CEP164: variants seen among roughly 807,000 people sequenced by gnomAD.
The protein encoded by CEP164 is centrosomal protein 164, also known as centrosomal protein of 164 kDa.
A neutral mutation model predicts 182.7 loss-of-function variants in CEP164; 162 were observed. That is an observed-to-expected ratio of 0.89 (90% CI 0.78 to 1.01). The LOEUF is 1.01. Ranked by LOEUF, CEP164 falls within the 50% of genes least tolerant of loss-of-function variation. The probability of loss-of-function intolerance (pLI) is 0.00; values close to 1 mark genes in which losing one functional copy is unlikely to be tolerated. For missense variants in CEP164, 1,735 were observed against 1,790.4 expected (o/e 0.97, Z 0.56); for synonymous variants, 661 against 690.0 (o/e 0.96, Z 0.66).
Position 117,359,502 on chromosome 11 carries a change from C to G in CEP164, c.394-2333C>G, listed in dbSNP as rs993368738. 8.1e-6 allele frequency: 8 copies of G among 985,284 alleles called. No individual in the cohort carries two copies. In the African/African-American group the frequency reaches 1.4e-4, roughly 17 times the overall value. 61.0% of individuals were successfully genotyped at this position (985,284 alleles called of 1,614,324 possible). ...TTACTTTCCTGATGAGCATCTGATG[C>G]AGAAATGGGCCCTGCTGGGAACCCA... On this transcript the variant is annotated intron_variant, in intron 5 of 32. Coordinates refer to ENST00000278935, the MANE Select transcript of CEP164 (RefSeq NM_014956.5).
At chr11:117,334,718 G>A (rs183521646) in intron 1 of CEP164, among the ~76,000 whole-genome samples, 2 of 150,546 alleles carry the variant, frequency 1.3e-5, no homozygotes, top group African/African-American at 4.9e-5. Context: ...CTGGGAGACA[G>A]AGGTTGCAGT....
Position 117,340,482 on chromosome 11 carries a change from G to A in CEP164, c.82+1814G>A, listed in dbSNP as rs7945611. Reference sequence around the variant, plus strand: ...AATTCTTGCATCTCTAGGAATACATGGATCTCATGTTAAATGCTGGACTTT... The same window carrying A: ...AATTCTTGCATCTCTAGGAATACATAGATCTCATGTTAAATGCTGGACTTT... On this transcript the variant is annotated intron_variant, in intron 3 of 32. Transcript: ENST00000278935. 6.6e-3 allele frequency among the ~76,000 whole-genome samples: 1,005 copies of A among 152,260 alleles called. 13 individuals carry two copies. Among genetic ancestry groups the A allele is most frequent in the African/African-American group, 0.021 (872 of 41,538 alleles).
chr11:117,375,797 T>C lies in CEP164; in HGVS notation c.1317+6T>C. On this transcript the variant is annotated splice_donor_region_variant and intron_variant, in intron 11 of 32. Coordinates refer to ENST00000278935, the MANE Select transcript of CEP164 (RefSeq NM_014956.5). ...TGGGTGGAGCTTGTCGGCAGGTGAG[T>C]TTCTGTGGGTGGTGGGCTGAGCTGG... 6.2e-7 allele frequency: 1 copy of C among 1,613,542 alleles called. No homozygotes were observed. Among genetic ancestry groups the C allele is most frequent in the Non-Finnish European group, 8.5e-7 (1 of 1,179,770 alleles).
intron 5 of CEP164, among the ~76,000 whole-genome samples, chr11:117,358,708 T>C (rs371021373): frequency 6.6e-6 from 1 of 152,052 alleles, no homozygotes; most frequent in Non-Finnish European, 1.5e-5. Context: ...TTAAAAATTA[T>C]TTTTTTGTAG....
At chr11:117,330,882 C>G (rs971200973) in intron 1 of CEP164, among the ~76,000 whole-genome samples, 11 of 152,200 alleles carry the variant, frequency 7.2e-5, no homozygotes, top group Admixed American at 2.6e-4. Context: ...ATTGTTAGTA[C>G]TCTCATTTTA....
intron 5 of CEP164, chr11:117,355,098 C>T: frequency 2.3e-6 from 3 of 1,289,776 alleles, no homozygotes; most frequent in South Asian, 1.2e-5. Flanking sequence ...GGTGACACTC[C>T]CTGGCGTTTC....
At position 117,355,113 on chromosome 11, in the gene CEP164, G is replaced by T. The variant is rs1028361590; in HGVS notation, c.393+3125G>T. 3 of 1,289,654 alleles carry T rather than the reference G, an allele frequency of 2.3e-6. No individual in the cohort carries two copies. The African/African-American group carries it at 4.6e-5, about 20-fold the overall frequency. The allele number at this position is 1,289,654 out of a possible 1,614,324, so 79.9% of individuals were successfully genotyped here. A position where few individuals can be genotyped will look rare whatever the true frequency, so the allele number is the denominator to read the frequency against. ...GGTGACACTCCCTGGCGTTTCATGG[G>T]TGCCCTTCCCAGAAAGCTGCAGCCA... On this transcript the variant is annotated intron_variant, in intron 5 of 32. Transcript: ENST00000278935.
chr11:117,323,102 C>T (rs146545540), upstream of CEP164, among the ~76,000 whole-genome samples: 4 of 151,854 alleles, frequency 2.6e-5, no homozygotes, highest in East Asian at 1.9e-4. Flanking sequence ...GGTTTCTCCA[C>T]GTTGGCCAGG....
In CEP164 at chr11:117,391,228, A is replaced by G. The variant is rs1157607844; in HGVS notation, c.2283+13A>G. 4 of 1,596,914 alleles carry G rather than the reference A, an allele frequency of 2.5e-6. No individual in the cohort carries two copies. Among genetic ancestry groups the G allele is most frequent in the East Asian group, 2.3e-5 (1 of 44,274 alleles). ...GGAGAGGAAAGAAGTGAGCTAGTCA[A>G]GTGGGGACCTCACCCTCTGACCTGT... On this transcript the variant is annotated intron_variant, in intron 17 of 32. Coordinates refer to ENST00000278935, the MANE Select transcript of CEP164 (RefSeq NM_014956.5).
chr11:117,346,851 G>A (rs1369184488), intron 4 of CEP164, among the ~76,000 whole-genome samples: 1 of 152,044 alleles, frequency 6.6e-6, no homozygotes, highest in African/African-American at 2.4e-5. Flanking sequence ...GGGACAGAGA[G>A]AACCTGTCTC....
rs1203392241 is a variant in CEP164, at chr11:117,395,147, C to T, written c.2869C>T (p.Gln957Ter). Residue 957 changes from glutamine (Q) to a stop codon, truncating the protein, a stop_gained, in exon 23 of 33, where the codon CAG becomes TAG. Coordinates refer to ENST00000278935, the MANE Select transcript of CEP164 (RefSeq NM_014956.5). LOFTEE classifies it high-confidence loss of function. ...GGAGGAGACCGCCCGGAGGGAGAAG[C>T]AGCAGCTGCTTGATGTGCAGAGGCA... ...VQEETARREKQQLLDVQRQVA... is the reference protein window; with the variant it reads ...VQEETARREK 1.2e-6 allele frequency: 2 copies of T among 1,614,046 alleles called. No individual in the cohort carries two copies. Among genetic ancestry groups the T allele is most frequent in the Non-Finnish European group, 1.7e-6 (2 of 1,180,054 alleles).
intron 2 of CEP164, chr11:117,336,653 T>C: frequency 1.2e-5 from 12 of 1,005,148 alleles, no homozygotes; most frequent in Non-Finnish European, 1.9e-5. Flanking sequence ...TCCTCCAGCC[T>C]TTCCACGGCT....
Position 117,368,992 on chromosome 11 carries a change from C to G in CEP164, c.766-2088C>G, listed in dbSNP as rs982932338. Among the ~76,000 whole-genome samples the G allele has an allele frequency of 3.9e-5, 6 of 152,208 alleles. No individual in the cohort carries two copies. The East Asian group carries it at 1.2e-3, about 29-fold the overall frequency. ...GGGTTGGGCCTGATGACAGTATCAC[C>G]ACTGTGTCTAGTGGCCTCTTTGCTT... On this transcript the variant is annotated intron_variant, in intron 8 of 32. Transcript: ENST00000278935.
At chr11:117,346,257 G>A (rs145978056) in intron 4 of CEP164, among the ~76,000 whole-genome samples, 1 of 151,944 alleles carries the variant, frequency 6.6e-6, no homozygotes, top group Non-Finnish European at 1.5e-5. Flanking sequence ...TGTAAGGAGA[G>A]TGTGAATTAT....
chr11:117,391,174 C>A lies in CEP164; in HGVS notation c.2242C>A (p.Leu748Met), dbSNP rs763926600. 3.1e-6 allele frequency: 5 copies of A among 1,612,886 alleles called. No homozygotes were observed. In the South Asian group the frequency reaches 5.5e-5, roughly 18 times the overall value. Reference sequence around the variant, plus strand: ...CCTGAATGCTGCAAAGGAGAAGGCTCTGCAGCAGCTGAGGGAGCAGCTGGA... The same window carrying A: ...CCTGAATGCTGCAAAGGAGAAGGCTATGCAGCAGCTGAGGGAGCAGCTGGA... ...AALNAAKEKA[L>M]QQLREQLEGE... Residue 748 changes from leucine (L) to methionine (M), a missense_variant, in exon 17 of 33, where the codon CTG (leucine) becomes ATG (methionine). Physicochemically the swap from Leu to Met is conservative, Grantham distance 15. Transcript: ENST00000278935.
rs569875369 is a variant in CEP164, at chr11:117,344,479, G to C, written c.194+202G>C. Among the ~76,000 whole-genome samples the C allele has an allele frequency of 1.6e-4, 24 of 152,290 alleles. No individual in the cohort carries two copies. In the South Asian group the frequency reaches 4.8e-3, roughly 30 times the overall value. On this transcript the variant is annotated intron_variant, in intron 4 of 32. Coordinates refer to ENST00000278935, the MANE Select transcript of CEP164 (RefSeq NM_014956.5). ...TGAATGGTCCCTGGTCCCTAGGATGGGGTTCAATGCTTATATCCAAGGCCA... is the reference window on the plus strand; with the variant it reads ...TGAATGGTCCCTGGTCCCTAGGATGCGGTTCAATGCTTATATCCAAGGCCA...
At chr11:117,326,109 C>T (rs926691470), upstream of CEP164, among the ~76,000 whole-genome samples, 4 of 151,866 alleles carry the variant, frequency 2.6e-5, no homozygotes, top group Non-Finnish European at 5.9e-5. Context: ...TGGGGTTTCT[C>T]CATGTTGATC....
At chr11:117,399,185 C>T (rs983865528) in intron 27 of CEP164, among the ~76,000 whole-genome samples, 5 of 152,080 alleles carry the variant, frequency 3.3e-5, no homozygotes, top group African/African-American at 4.8e-5. Flanking sequence ...TCCCTGTTTC[C>T]ATGTGTTCTC....
intron 25 of CEP164, among the ~76,000 whole-genome samples, 164 bp downstream of exon 25, chr11:117,396,344 G>A (rs2045459713): frequency 6.6e-6 from 1 of 152,140 alleles, no homozygotes; most frequent in Non-Finnish European, 1.5e-5. Flanking sequence ...AGGAAGGGCT[G>A]GCTCTGTTCT....
Sources: gnomAD v4.1 joint callset for allele counts (sites outside exome capture counted in the v4.1 genomes callset) on GRCh38, gnomAD v4.1.1 for gene constraint, MANE v1.5 for transcripts, NCBI Gene and HGNC (gene_info 2026-07-23, HGNC 2026-07-21) for gene names.